Variants in GRID2 observed in about 807,000 individuals in gnomAD.
GRID2 encodes the protein glutamate ionotropic receptor delta type subunit 2, also known as glutamate receptor ionotropic, delta-2.
In GRID2, 33 loss-of-function variants were observed where a neutral mutation model predicts 114.8. The ratio of observed to expected loss-of-function variants is 0.29; its 90% CI spans 0.22 to 0.38. The LOEUF is 0.38. GRID2 is among the 10% of genes least tolerant of loss of function. The pLI is 1.00. For synonymous variants in GRID2, 505 were observed against 449.9 expected (o/e 1.12, Z -1.55); for missense variants, 1,184 against 1,257.7 (o/e 0.94, Z 0.89).
chr4:92,538,049 T>C (rs1420812815), intron 1 of GRID2, among the ~76,000 whole-genome samples: 1 of 152,150 alleles, frequency 6.6e-6, no homozygotes, highest in Non-Finnish European at 1.5e-5. Flanking sequence ...GTAACCATAA[T>C]TAAATCATTT....
chr4:93,210,187 G>T (rs1743290212), intron 5 of GRID2, among the ~76,000 whole-genome samples: 1 of 151,862 alleles, frequency 6.6e-6, no homozygotes, highest in Non-Finnish European at 1.5e-5. Flanking sequence ...TATATGTCTA[G>T]GTTGTTTTCC....
rs187647853 is a variant in GRID2, at chr4:92,497,825, G to A, written c.89-92306G>A. ...TCCTTTATGGTCATATATAAATTTA[G>A]TACATATTTAAAAATTTTACGTAAA... On this transcript the variant is annotated intron_variant, in intron 1 of 15. Coordinates refer to ENST00000282020, the MANE Select transcript of GRID2 (RefSeq NM_001510.4). 3.3e-5 allele frequency among the ~76,000 whole-genome samples: 5 copies of A among 151,542 alleles called. No homozygotes were observed. The East Asian group carries it at 9.7e-4, about 29-fold the overall frequency.
intron 1 of GRID2, among the ~76,000 whole-genome samples, chr4:92,432,954 C>A (rs1425430444): frequency 6.6e-6 from 1 of 152,140 alleles, no homozygotes; most frequent in Non-Finnish European, 1.5e-5. Context: ...GCTCTTTATT[C>A]AGCTGGTGAT....
intron 1 of GRID2, among the ~76,000 whole-genome samples, chr4:92,469,044 C>T (rs1286880404): frequency 6.6e-6 from 1 of 152,058 alleles, no homozygotes; most frequent in African/African-American, 2.4e-5. Context: ...CATTTGACAG[C>T]CATTTGTTGC....
At chr4:92,652,523 A>T (rs1458581767) in intron 2 of GRID2, among the ~76,000 whole-genome samples, 1 of 151,644 alleles carries the variant, frequency 6.6e-6, no homozygotes, top group Non-Finnish European at 1.5e-5. Flanking sequence ...ACAAAAAAAA[A>T]AATTAAAAGT....
intron 1 of GRID2, among the ~76,000 whole-genome samples, chr4:92,503,475 A>T (rs1230659726): frequency 6.6e-6 from 1 of 152,086 alleles, no homozygotes; most frequent in Non-Finnish European, 1.5e-5. Context: ...TCCGTTTTTT[A>T]TGAGGTTTCC....
chr4:92,588,678 C>CAAAAAAAAAA (rs1209254541), intron 1 of GRID2, among the ~76,000 whole-genome samples: 5 of 70,308 alleles, frequency 7.1e-5, no homozygotes, highest in Middle Eastern at 0.01. Flanking sequence ...GACTCCGTCT[C>CAAAAAAAAAA]AAAAAAAAAA....
At chr4:92,778,544 G>T (rs1431193641) in intron 2 of GRID2, among the ~76,000 whole-genome samples, 1 of 152,072 alleles carries the variant, frequency 6.6e-6, no homozygotes, top group Non-Finnish European at 1.5e-5. Context: ...ATTGTGACAA[G>T]CTGGTGGGTT....
intron 2 of GRID2, among the ~76,000 whole-genome samples, chr4:92,957,278 A>G (rs1752476168): frequency 6.6e-6 from 1 of 151,850 alleles, no homozygotes; most frequent in African/African-American, 2.4e-5. Flanking sequence ...GGAGTTTAAT[A>G]TTTTTGCATT....
At chr4:93,614,223 G>A (rs965178589) in intron 13 of GRID2, among the ~76,000 whole-genome samples, 2 of 152,212 alleles carry the variant, frequency 1.3e-5, no homozygotes, top group African/African-American at 4.8e-5. Flanking sequence ...GCACTCCCTA[G>A]TGGGATGAAC....
At chr4:92,396,048 ATAT>A (rs1452587390) in intron 1 of GRID2, among the ~76,000 whole-genome samples, 1 of 151,822 alleles carries the variant, frequency 6.6e-6, no homozygotes, top group Non-Finnish European at 1.5e-5. Flanking sequence ...ATGATAAGAC[ATAT>A]TATTTATTTC....
At chr4:93,468,289 A>AT (rs1218848976) in intron 11 of GRID2, among the ~76,000 whole-genome samples, 1 of 152,114 alleles carries the variant, frequency 6.6e-6, no homozygotes, top group Non-Finnish European at 1.5e-5. Flanking sequence ...GGCTGTATTC[A>AT]TGAGAAAAAC....
chr4:92,649,223 A>C (rs1464470218), intron 2 of GRID2, among the ~76,000 whole-genome samples: 1 of 124,302 alleles, frequency 8.0e-6, no homozygotes, highest in Non-Finnish European at 1.7e-5. Flanking sequence ...CCATATGACT[A>C]TGGAGGTAGA....
At chr4:93,766,929 C>G (rs1241685538) in intron 14 of GRID2, among the ~76,000 whole-genome samples, 2 of 152,110 alleles carry the variant, frequency 1.3e-5, no homozygotes, top group South Asian at 2.1e-4. Context: ...ATAACTGAAG[C>G]TTTACACCTA....
intron 1 of GRID2, among the ~76,000 whole-genome samples, chr4:92,498,702 G>C (rs1260580602): frequency 6.6e-6 from 1 of 151,794 alleles, no homozygotes; most frequent in Non-Finnish European, 1.5e-5. Flanking sequence ...TAAAACATCT[G>C]TGAGACTATT....
At chr4:92,460,032 C>CTATATATATATATATATATA (rs373743453) in intron 1 of GRID2, among the ~76,000 whole-genome samples, 1,572 of 48,120 alleles carry the variant, frequency 0.033, 162 homozygotes, top group Non-Finnish European at 0.04. Flanking sequence ...ATAAATCTCA[C>CTATATATATATATATATATA]TATATATATA....
chr4:93,586,992 A>G (rs2149603955), intron 13 of GRID2, among the ~76,000 whole-genome samples: 1 of 152,250 alleles, frequency 6.6e-6, no homozygotes, highest in African/African-American at 2.4e-5. Flanking sequence ...TCCTCCACAC[A>G]GCCCCAATCT....
chr4:93,486,009 A>G (rs1726366840), intron 11 of GRID2, among the ~76,000 whole-genome samples: 1 of 151,708 alleles, frequency 6.6e-6, no homozygotes, highest in African/African-American at 2.4e-5. Context: ...CTATATCTTC[A>G]TTTATTGAAT....
chr4:93,209,759 A>G (rs1463724600), intron 5 of GRID2, among the ~76,000 whole-genome samples: 1 of 152,044 alleles, frequency 6.6e-6, no homozygotes, highest in Non-Finnish European at 1.5e-5. Context: ...CCATGCCAGC[A>G]TCTGTTATTT....
Sources: gnomAD v4.1 joint callset for allele counts (sites outside exome capture counted in the v4.1 genomes callset) on GRCh38, gnomAD v4.1.1 for gene constraint, MANE v1.5 for transcripts, NCBI Gene and HGNC (gene_info 2026-07-23, HGNC 2026-07-21) for gene names.